Variants in GPHN observed in about 807,000 individuals in gnomAD.
The protein encoded by GPHN is gephyrin.
A neutral mutation model predicts 95.5 loss-of-function variants in GPHN; 17 were observed. The observed-to-expected ratio is 0.18, with a 90% CI of 0.12 to 0.27. GPHN has a LOEUF of 0.27. GPHN is among the 10% of genes least tolerant of loss of function. GPHN has a pLI of 1.00. For synonymous variants in GPHN, 320 were observed against 322.5 expected (o/e 0.99, Z 0.08); for missense variants, 660 against 978.1 (o/e 0.67, Z 4.34).
the GPHN span, among the ~76,000 whole-genome samples, chr14:67,404,692 C>G: frequency 4.6e-5 from 7 of 151,848 alleles, no homozygotes; most frequent in East Asian, 1.4e-3. Flanking sequence ...CACCTGTGGT[C>G]CCAGCCACTC....
chr14:67,232,745 A>C, the GPHN span, among the ~76,000 whole-genome samples: 3 of 152,164 alleles, frequency 2.0e-5, no homozygotes, highest in African/African-American at 7.2e-5. Context: ...TAAACTTAAA[A>C]GGAAAAAAAA....
intron 2 of GPHN, among the ~76,000 whole-genome samples, chr14:66,687,510 C>T (rs1343002196): frequency 4.5e-5 from 5 of 110,718 alleles, no homozygotes; most frequent in South Asian, 2.9e-4. Flanking sequence ...TTTTTTGAGA[C>T]GGAGTTTCGC....
chr14:67,401,958 C>A, the GPHN span, among the ~76,000 whole-genome samples: 11 of 152,146 alleles, frequency 7.2e-5, no homozygotes, highest in African/African-American at 2.4e-4. Flanking sequence ...TGGTGAAACC[C>A]TGTCTCTGCT....
At chr14:67,524,143 AT>A in the GPHN span, among the ~76,000 whole-genome samples, 1 of 152,022 alleles carries the variant, frequency 6.6e-6, no homozygotes, top group African/African-American at 2.4e-5. Flanking sequence ...TTTGATATTT[AT>A]TTTTTTAATA....
chr14:67,428,313 C>A, the GPHN span, among the ~76,000 whole-genome samples: 1 of 152,176 alleles, frequency 6.6e-6, no homozygotes, highest in Non-Finnish European at 1.5e-5. Flanking sequence ...AGGACCCACC[C>A]ACACCCACAT....
the GPHN span, among the ~76,000 whole-genome samples, chr14:67,724,927 A>G: frequency 1.3e-5 from 2 of 152,234 alleles, no homozygotes; most frequent in African/African-American, 4.8e-5. Flanking sequence ...ACTGACAGCA[A>G]GAAGACTGAA....
chr14:66,812,405 A>C (rs1031565240), intron 3 of GPHN, among the ~76,000 whole-genome samples: 1 of 152,234 alleles, frequency 6.6e-6, no homozygotes, highest in Non-Finnish European at 1.5e-5. Context: ...TTCACAAAGA[A>C]ACAAGTGAAC....
chr14:67,416,761 T>C, the GPHN span, among the ~76,000 whole-genome samples: 1 of 152,228 alleles, frequency 6.6e-6, no homozygotes, highest in Admixed American at 6.5e-5. Context: ...AGGTATCTTT[T>C]CCATTAACAG....
At chr14:66,991,173 T>A (rs1280513818) in intron 9 of GPHN, among the ~76,000 whole-genome samples, 4 of 152,148 alleles carry the variant, frequency 2.6e-5, no homozygotes, top group Non-Finnish European at 4.4e-5. Flanking sequence ...AAATGCATCA[T>A]CTTTTTCTCT....
At chr14:67,643,751 G>C in the GPHN span, among the ~76,000 whole-genome samples, 2 of 149,802 alleles carry the variant, frequency 1.3e-5, no homozygotes, top group African/African-American at 2.5e-5. Flanking sequence ...GACTCTTCTG[G>C]TGATTATTTT....
chr14:67,592,816 C>T, the GPHN span: 81 of 785,952 alleles, frequency 1.0e-4, no homozygotes, highest in African/African-American at 1.3e-3. Flanking sequence ...GACAGAGTCT[C>T]TCTCTGTTGC....
At chr14:67,150,139 T>C (rs953323418) in intron 18 of GPHN, among the ~76,000 whole-genome samples, 2 of 152,100 alleles carry the variant, frequency 1.3e-5, no homozygotes, top group Non-Finnish European at 2.9e-5. Context: ...TAAAACATAA[T>C]AACTATTAAC....
intron 12 of GPHN, among the ~76,000 whole-genome samples, chr14:67,095,127 C>T (rs2077302228): frequency 6.6e-6 from 1 of 152,182 alleles, no homozygotes; most frequent in South Asian, 2.1e-4. Flanking sequence ...ACTTATTTTT[C>T]TGTCTTCATA....
At chr14:66,663,414 A>T (rs566106414) in intron 1 of GPHN, among the ~76,000 whole-genome samples, 32 of 152,346 alleles carry the variant, frequency 2.1e-4, no homozygotes, top group African/African-American at 7.7e-4. Flanking sequence ...TACTTTCCAG[A>T]CAAGCAAATG....
the GPHN span, among the ~76,000 whole-genome samples, chr14:67,512,350 T>C: frequency 3.3e-5 from 5 of 152,306 alleles, no homozygotes; most frequent in South Asian, 4.2e-4. Flanking sequence ...ATCTGGCCAA[T>C]AGAGGCTGAA....
the GPHN span, chr14:67,398,141 G>C: frequency 8.7e-6 from 2 of 229,406 alleles, no homozygotes; most frequent in African/African-American, 2.3e-5. Context: ...ATTTCCTTCC[G>C]GTCTTTTTTC....
At chr14:67,346,706 T>G in the GPHN span, among the ~76,000 whole-genome samples, 1 of 152,226 alleles carries the variant, frequency 6.6e-6, no homozygotes, top group African/African-American at 2.4e-5. Flanking sequence ...GACAGTTATT[T>G]AAAAAGTGGA....
chr14:66,651,497 A>T (rs1428852681), intron 1 of GPHN, among the ~76,000 whole-genome samples: 1 of 152,204 alleles, frequency 6.6e-6, no homozygotes, highest in East Asian at 1.9e-4. Context: ...CCTCCCAACC[A>T]CAAAAGACCC....
chr14:67,291,255 G>A, the GPHN span, among the ~76,000 whole-genome samples: 161 of 151,134 alleles, frequency 1.1e-3, no homozygotes, highest in African/African-American at 3.7e-3. Flanking sequence ...TTGAGATGGA[G>A]TCTTGCTCTG....
Sources: gnomAD v4.1 joint callset for allele counts (sites outside exome capture counted in the v4.1 genomes callset) on GRCh38, gnomAD v4.1.1 for gene constraint, MANE v1.5 for transcripts, NCBI Gene and HGNC (gene_info 2026-07-23, HGNC 2026-07-21) for gene names.